Variants in RASA1 observed in about 807,000 individuals in gnomAD.
The protein encoded by RASA1 is ras GTPase-activating protein 1.
In RASA1, 25 loss-of-function variants were observed where a neutral mutation model predicts 132.2. The ratio of observed to expected loss-of-function variants is 0.19; its 90% CI spans 0.14 to 0.26. RASA1 has a LOEUF of 0.26. Among genes scored for constraint, RASA1 ranks in the 10% least tolerant of loss-of-function variants. The pLI is 1.00. For missense variants in RASA1, 964 were observed against 1,299.2 expected, an observed-to-expected ratio of 0.74 and a Z score of 3.97; for synonymous variants, 477 against 449.9, an observed-to-expected ratio of 1.06 and a Z score of -0.76.
rs551207533 is a variant in RASA1 at position 87,367,710 on chromosome 5, TCA to T, written c.1611-2101_1611-2100del. Among the ~76,000 whole-genome samples, 385 of 152,348 alleles carry T rather than the reference TCA, an allele frequency of 2.5e-3. 5 individuals carry two copies. Among genetic ancestry groups the T allele is most frequent in the South Asian group, 0.02 (98 of 4,832 alleles). Reference sequence around the variant, plus strand: ...TACACCATCTTTTCATAGCTGGATCTCACTGTGGTATTTATTGCTTTACATTT... The same window carrying T: ...TACACCATCTTTTCATAGCTGGATCTCTGTGGTATTTATTGCTTTACATTT... On this transcript the variant is annotated intron_variant, in intron 11 of 24. Transcript: ENST00000274376.
chr5:87,353,329 G>A lies in RASA1; in HGVS notation c.1332+94G>A, dbSNP rs940669149. Reference sequence around the variant, plus strand: ...TGCACACATTTGTACAATTCAAATTGGATACAACTTAAAACTACAGATTAT... The same window carrying A: ...TGCACACATTTGTACAATTCAAATTAGATACAACTTAAAACTACAGATTAT... On this transcript the variant is annotated intron_variant, in intron 9 of 24. Coordinates refer to ENST00000274376, the MANE Select transcript of RASA1 (RefSeq NM_002890.3). 44 of 981,654 alleles carry A rather than the reference G, an allele frequency of 4.5e-5. No homozygotes were observed. In the African/African-American group the frequency reaches 7.0e-4, roughly 16 times the overall value. 60.8% of individuals were successfully genotyped at this position (981,654 alleles called of 1,614,324 possible). A position where few individuals can be genotyped will look rare whatever the true frequency, so the allele number is the denominator to read the frequency against.
At chr5:87,380,662 A>G (rs1230409061) in intron 20 of RASA1, 67 bp downstream of exon 20, 3 of 1,340,186 alleles carry the variant, frequency 2.2e-6, no homozygotes, top group Non-Finnish European at 3.2e-6. Flanking sequence ...AAATTGAGGA[A>G]TAACAATATA....
At chr5:87,382,638 G>A (rs1374180614) in intron 20 of RASA1, among the ~76,000 whole-genome samples, 1 of 152,166 alleles carries the variant, frequency 6.6e-6, no homozygotes, top group Non-Finnish European at 1.5e-5. Context: ...CAGAATAGGA[G>A]TATCTATGCA....
chr5:87,309,327 AAAAG>A (rs1228552962), intron 1 of RASA1, among the ~76,000 whole-genome samples: 5 of 152,168 alleles, frequency 3.3e-5, no homozygotes. Context: ...TGCTATGGCA[AAAAG>A]AAAAGAGCAA....
In RASA1 at chr5:87,332,392, A is replaced by G. The variant is rs116288928; in HGVS notation, c.693-115A>G. The G allele has an allele frequency of 4.0e-4, 426 of 1,076,832 alleles. 1 individual carries two copies. The African/African-American group carries it at 5.7e-3, about 14-fold the overall frequency. The allele number at this position is 1,076,832 out of a possible 1,614,324, so 66.7% of individuals were successfully genotyped here. On this transcript the variant is annotated intron_variant, in intron 2 of 24. Transcript: ENST00000274376. ...ATAAGTGGTATTTTAGTATAAGGAT[A>G]TAGTTACAAGGAAAAGAGTATGGAA...
chr5:87,331,638 A>C (rs1204723940), intron 2 of RASA1, 138 bp downstream of exon 2: 1 of 1,010,462 alleles, frequency 9.9e-7, no homozygotes, highest in Admixed American at 2.2e-5. Flanking sequence ...CAAATGATTT[A>C]ATCAGTGATT....
chr5:87,344,322 G>C (rs868706637), intron 6 of RASA1, among the ~76,000 whole-genome samples: 38 of 151,802 alleles, frequency 2.5e-4, no homozygotes, highest in African/African-American at 8.7e-4. Context: ...CAAAATAGTT[G>C]TATACATTAC....
chr5:87,353,368 G>A (rs1374249675), intron 9 of RASA1, 133 bp downstream of exon 9: 1 of 770,578 alleles, frequency 1.3e-6, no homozygotes, highest in East Asian at 2.7e-5. Context: ...GATTTTTTTA[G>A]AAAGTCAACT....
chr5:87,280,214 C>G (rs951386585), intron 1 of RASA1, among the ~76,000 whole-genome samples: 13 of 152,182 alleles, frequency 8.5e-5, no homozygotes, highest in African/African-American at 3.1e-4. Context: ...ACAGACACAC[C>G]CAGAAACAAT....
Position 87,334,138 on chromosome 5 carries a change from GA to G in RASA1, c.899+802del, listed in dbSNP as rs1757791103. Among the ~76,000 whole-genome samples, 3 of 152,118 alleles carry G rather than the reference GA, an allele frequency of 2.0e-5. No individual in the cohort carries two copies. In the South Asian group the frequency reaches 6.2e-4, roughly 31 times the overall value. On this transcript the variant is annotated intron_variant, in intron 4 of 24. Transcript: ENST00000274376. ...GAATAGGTTTACACAATGATAGATG[GA>G]GACAGTAAAGACCCACAATCGGCTG...
At chr5:87,305,471 C>T (rs1250659604) in intron 1 of RASA1, among the ~76,000 whole-genome samples, 4 of 152,158 alleles carry the variant, frequency 2.6e-5, no homozygotes, top group Non-Finnish European at 5.9e-5. Context: ...CCTTTCCTTA[C>T]ACCATATGCA....
At chr5:87,344,965 C>G (rs1758747985) in intron 6 of RASA1, among the ~76,000 whole-genome samples, 1 of 152,056 alleles carries the variant, frequency 6.6e-6, no homozygotes, top group Non-Finnish European at 1.5e-5. Flanking sequence ...TCTGTTACTC[C>G]CAAAATGCCT....
intron 21 of RASA1, 53 bp from the exon 22 acceptor site, chr5:87,385,248 G>A: frequency 9.0e-7 from 1 of 1,115,232 alleles, no homozygotes; most frequent in South Asian, 1.2e-5. Context: ...TAATGGTTTA[G>A]CTGGAAGTGC....
chr5:87,391,026 A>G lies in RASA1; in HGVS notation c.*143A>G, dbSNP rs1043376202. 63 of 831,112 alleles carry G rather than the reference A, an allele frequency of 7.6e-5. No homozygotes were observed. Among genetic ancestry groups the G allele is most frequent in the East Asian group, 5.3e-4 (20 of 37,884 alleles). 51.5% of individuals were successfully genotyped at this position (831,112 alleles called of 1,614,324 possible). A position where few individuals can be genotyped will look rare whatever the true frequency, so the allele number is the denominator to read the frequency against. ...GTGTGAGCTATGCAAACAAAATCCA[A>G]GATTCTGCTGGTGAATAACTATGCC... On this transcript the variant is annotated 3_prime_UTR_variant, in exon 25 of 25. Coordinates refer to ENST00000274376, the MANE Select transcript of RASA1 (RefSeq NM_002890.3).
intron 1 of RASA1, among the ~76,000 whole-genome samples, chr5:87,315,226 A>G (rs748958918): frequency 1.1e-4 from 17 of 152,264 alleles, no homozygotes; most frequent in Non-Finnish European, 2.1e-4. Flanking sequence ...TTATTTTAAA[A>G]AACTATTTCT....
intron 1 of RASA1, among the ~76,000 whole-genome samples, chr5:87,271,982 G>T (rs977367505): frequency 6.6e-6 from 1 of 151,180 alleles, no homozygotes; most frequent in Non-Finnish European, 1.5e-5. Context: ...GTGAAACCCC[G>T]TCTCTACTAA....
At chr5:87,382,046 G>C (rs578216266) in intron 20 of RASA1, among the ~76,000 whole-genome samples, 2 of 152,236 alleles carry the variant, frequency 1.3e-5, no homozygotes, top group South Asian at 4.2e-4. Flanking sequence ...CCGCCTCCCA[G>C]GTTCAAGTGA....
intron 13 of RASA1, among the ~76,000 whole-genome samples, chr5:87,373,433 A>G (rs1761096063): frequency 6.6e-6 from 1 of 152,098 alleles, no homozygotes; most frequent in South Asian, 2.1e-4. Flanking sequence ...CTGCCAGGAC[A>G]GAGAGGTGGA....
intron 1 of RASA1, among the ~76,000 whole-genome samples, chr5:87,310,890 C>T (rs1246653202): frequency 1.3e-5 from 2 of 152,060 alleles, no homozygotes; most frequent in Non-Finnish European, 2.9e-5. Flanking sequence ...ATGCATCAAA[C>T]TATACTAGTA....
Sources: gnomAD v4.1 joint callset for allele counts (sites outside exome capture counted in the v4.1 genomes callset) on GRCh38, gnomAD v4.1.1 for gene constraint, MANE v1.5 for transcripts, NCBI Gene and HGNC (gene_info 2026-07-23, HGNC 2026-07-21) for gene names.